The following TMEM178B variants were observed in gnomAD, a reference collection of about 807,000 sequenced individuals.
TMEM178B encodes transmembrane protein 178B.
In TMEM178B, 5 loss-of-function variants were observed where a neutral mutation model predicts 31.0. That is an observed-to-expected ratio of 0.16 (90% confidence interval 0.08 to 0.34). The LOEUF (loss-of-function observed/expected upper bound fraction) is 0.34, where lower values mean the gene tolerates loss of function less well. Ranked by LOEUF, TMEM178B falls within the 10% of genes least tolerant of loss-of-function variation. The probability of loss-of-function intolerance (pLI) is 1.00; values close to 1 mark genes in which losing one functional copy is unlikely to be tolerated. For missense variants in TMEM178B, 275 were observed against 400.3 expected (o/e 0.69, Z 2.67); for synonymous variants, 164 against 164.0 (o/e 1.00, Z 0.00).
In TMEM178B at chr7:141,076,526, G is replaced by A. The variant is rs375113360; in HGVS notation, c.382+1834G>A. Among the ~76,000 whole-genome samples the A allele has an allele frequency of 7.9e-4, 121 of 152,256 alleles. 1 individual carries two copies. In the South Asian group the frequency reaches 0.023, roughly 29 times the overall value. ...GGGGATGGAATTCATGGTTTCTGGC[G>A]GTTCCATTCAGAGCTTTGATTCCCT... On this transcript the variant is annotated intron_variant, in intron 1 of 3. Transcript: ENST00000565468.
intron 1 of TMEM178B, among the ~76,000 whole-genome samples, chr7:141,079,148 A>G (rs60939495): frequency 0.033 from 5,002 of 152,240 alleles, 225 homozygotes; most frequent in African/African-American, 0.1. Context: ...TTAGCTGGGC[A>G]TGGTGGTGTG....
At chr7:141,442,967 T>C (rs947883771) in intron 3 of TMEM178B, among the ~76,000 whole-genome samples, 1 of 152,204 alleles carries the variant, frequency 6.6e-6, no homozygotes, top group African/African-American at 2.4e-5. Flanking sequence ...TCTCATCTGA[T>C]GTTTGAGGCC....
chr7:141,402,511 C>A (rs1800804139), intron 2 of TMEM178B, among the ~76,000 whole-genome samples: 1 of 152,204 alleles, frequency 6.6e-6, no homozygotes, highest in Non-Finnish European at 1.5e-5. Flanking sequence ...AGCTGGTATA[C>A]CTCAGCGTGC....
chr7:141,282,663 A>G (rs1040799621), intron 2 of TMEM178B, among the ~76,000 whole-genome samples: 2 of 152,208 alleles, frequency 1.3e-5, no homozygotes, highest in Admixed American at 6.5e-5. Flanking sequence ...CATGAGAGGT[A>G]TTGACTTAGT....
rs536089664 is a variant in TMEM178B, at chr7:141,477,926, C to T, written c.*7140C>T. 1.3e-5 allele frequency: 2 copies of T among 152,382 alleles called. No homozygotes were observed. Among genetic ancestry groups the T allele is most frequent in the East Asian group, 3.9e-4 (2 of 5,180 alleles). 9.4% of individuals were successfully genotyped at this position (152,382 alleles called of 1,614,324 possible). A position where few individuals can be genotyped will look rare whatever the true frequency, so the allele number is the denominator to read the frequency against. On this transcript the variant is annotated 3_prime_UTR_variant, in exon 4 of 4. Coordinates refer to ENST00000565468, the MANE Select transcript of TMEM178B (RefSeq NM_001195278.2). ...ATTCTCAGATTCCTTTTCCCACCCA[C>T]TTTGACGATCTCATTTTACTATCAG...
chr7:141,231,094 G>A (rs56197008), intron 2 of TMEM178B, among the ~76,000 whole-genome samples: 2,922 of 152,252 alleles, frequency 0.019, 94 homozygotes, highest in African/African-American at 0.067. Flanking sequence ...GGAACATTTG[G>A]GATTTTTCTC....
chr7:141,142,417 T>G lies in TMEM178B; in HGVS notation c.382+67725T>G, dbSNP rs538393902. On this transcript the variant is annotated intron_variant, in intron 1 of 3. Transcript: ENST00000565468. ...TTTCTTTTTTCTTTTCTTTCTTTTT[T>G]TTTTTTTTGAGATGGAGTCTCGCTC... Among the ~76,000 whole-genome samples, 92 of 149,102 alleles carry G rather than the reference T, an allele frequency of 6.2e-4. 4 individuals are homozygous for G. The highest frequency in any genetic ancestry group is 2.1e-3 in the African/African-American group (82 of 38,988).
At chr7:141,077,001 C>G (rs1436385763) in intron 1 of TMEM178B, among the ~76,000 whole-genome samples, 1 of 152,172 alleles carries the variant, frequency 6.6e-6, no homozygotes, top group African/African-American at 2.4e-5. Context: ...TCTTTGAAAA[C>G]CAGATCTTCC....
chr7:141,349,777 T>C (rs1474145234), intron 2 of TMEM178B, among the ~76,000 whole-genome samples: 1 of 152,010 alleles, frequency 6.6e-6, no homozygotes, highest in Non-Finnish European at 1.5e-5. Flanking sequence ...TTGGGTGAGG[T>C]AGGGTGGGCA....
chr7:141,081,233 C>T (rs1053406296), intron 1 of TMEM178B, among the ~76,000 whole-genome samples: 11 of 151,996 alleles, frequency 7.2e-5, no homozygotes, highest in African/African-American at 2.7e-4. Context: ...CAACCCTCTG[C>T]AGGCTTAGGC....
At chr7:141,418,725 C>T (rs902083545) in intron 2 of TMEM178B, among the ~76,000 whole-genome samples, 1 of 152,178 alleles carries the variant, frequency 6.6e-6, no homozygotes, top group African/African-American at 2.4e-5. Context: ...GGCATTCAAT[C>T]CTACAGCTTT....
intron 2 of TMEM178B, among the ~76,000 whole-genome samples, chr7:141,239,655 G>A (rs1354192703): frequency 6.6e-6 from 1 of 152,176 alleles, no homozygotes; most frequent in African/African-American, 2.4e-5. Flanking sequence ...ACCACAGGGG[G>A]TGATGAGAGT....
chr7:141,491,021 T>C, the TMEM178B span, among the ~76,000 whole-genome samples: 3 of 152,080 alleles, frequency 2.0e-5, no homozygotes, highest in Non-Finnish European at 4.4e-5. Flanking sequence ...TACTCTTTTT[T>C]ATTTTTTACT....
intron 2 of TMEM178B, among the ~76,000 whole-genome samples, chr7:141,336,961 CACT>C (rs1350327365): frequency 1.5e-4 from 15 of 100,182 alleles, no homozygotes; most frequent in South Asian, 3.8e-4. Flanking sequence ...CCACCACCAT[CACT>C]ACCACCACCA....
At chr7:141,501,847 GCTCTCTCTCT>G in the TMEM178B span, among the ~76,000 whole-genome samples, 4 of 148,760 alleles carry the variant, frequency 2.7e-5, no homozygotes, top group Admixed American at 6.7e-5. Flanking sequence ...AGTCTCTCAT[GCTCTCTCTCT>G]CTCTCTCTCT....
chr7:141,392,939 GA>G (rs1047556806), intron 2 of TMEM178B, among the ~76,000 whole-genome samples: 5 of 151,308 alleles, frequency 3.3e-5, no homozygotes, highest in African/African-American at 1.2e-4. Flanking sequence ...CAACATAACT[GA>G]AAAAAAGACA....
At chr7:141,275,426 TG>T (rs1489930036) in intron 2 of TMEM178B, among the ~76,000 whole-genome samples, 2 of 152,198 alleles carry the variant, frequency 1.3e-5, no homozygotes, top group Non-Finnish European at 2.9e-5. Context: ...CTGTGTAGTT[TG>T]CCTTGTAACA....
chr7:141,123,269 G>C (rs1279331604), intron 1 of TMEM178B, among the ~76,000 whole-genome samples: 2 of 152,220 alleles, frequency 1.3e-5, no homozygotes, highest in East Asian at 3.8e-4. Context: ...GGGTGTTCAG[G>C]TGGCCTGGGA....
At chr7:141,406,187 A>G (rs560645884) in intron 2 of TMEM178B, among the ~76,000 whole-genome samples, 4 of 152,174 alleles carry the variant, frequency 2.6e-5, no homozygotes, top group African/African-American at 7.2e-5. Context: ...CTTCCTGGCA[A>G]CTTGTAGGGG....
Sources: gnomAD v4.1 joint callset for allele counts (sites outside exome capture counted in the v4.1 genomes callset) on GRCh38, gnomAD v4.1.1 for gene constraint, MANE v1.5 for transcripts, NCBI Gene and HGNC (gene_info 2026-07-23, HGNC 2026-07-21) for gene names.